The following FER1L5 variants were observed in gnomAD, a reference collection of about 807,000 sequenced individuals.
FER1L5 encodes the protein fer-1 like family member 5.
A neutral mutation model predicts 279.9 loss-of-function variants in FER1L5; 187 were observed. The ratio of observed to expected loss-of-function variants is 0.67; its 90% CI spans 0.59 to 0.75. The LOEUF (loss-of-function observed/expected upper bound fraction) is 0.75, where lower values mean the gene tolerates loss of function less well. Ranked by LOEUF, FER1L5 falls within the 30% of genes least tolerant of loss-of-function variation. The pLI is 0.00. For synonymous variants in FER1L5, 921 were observed against 989.7 expected, an observed-to-expected ratio of 0.93 and a Z score of 1.30; for missense variants, 2,091 against 2,594.4, an observed-to-expected ratio of 0.81 and a Z score of 4.21.
At chr2:96,656,295 G>C (rs2075596410) in intron 9 of FER1L5, among the ~76,000 whole-genome samples, 1 of 152,152 alleles carries the variant, frequency 6.6e-6, no homozygotes, top group African/African-American at 2.4e-5. Context: ...CCTAGTCAAT[G>C]TTCAAATTCC....
rs554633308 is a variant in FER1L5, at chr2:96,691,364, G to A, written c.2907+11G>A. The A allele has an allele frequency of 9.1e-6, 14 of 1,546,602 alleles. No individual in the cohort carries two copies. The highest frequency in any genetic ancestry group is 1.7e-4 in the Middle Eastern group (1 of 5,972). ...TCCTTCCTGCAGCTGGTGAGGGGTC[G>A]ACGGGCGCCCTGGCTGGGACTGCGG... On this transcript the variant is annotated intron_variant, in intron 28 of 52. Transcript: ENST00000624922. The surrounding 1 kb of genome is among the most constrained non-coding windows in gnomAD (Gnocchi z 6.0).
At position 96,691,209 on chromosome 2, in the gene FER1L5, G is replaced by T. The variant is rs2077128507; in HGVS notation, c.2763G>T (p.Gly921=). Residue 921 remains glycine (G), a synonymous_variant, in exon 28 of 53, where the codon GGG becomes GGT. Transcript: ENST00000624922. This position sits in a 1 kb window ranked among gnomAD's most constrained non-coding sequence, Gnocchi z 6.0. ...CCGCAGGCTGGGAGTATGGAGTGGG[G>T]ATCCCACCGTCGGGCCTGCCCCAGG... ...VDSKGWEYGV[G]IPPSGLPQVW... The T allele has an allele frequency of 6.5e-7, 1 of 1,549,486 alleles. No individual in the cohort carries two copies. The highest frequency in any genetic ancestry group is 2.0e-5 in the Admixed American group (1 of 50,868).
intron 21 of FER1L5, among the ~76,000 whole-genome samples, 194 bp from the exon 22 acceptor site, chr2:96,685,746 T>C (rs1359534252): frequency 6.6e-6 from 1 of 152,074 alleles, no homozygotes; most frequent in Non-Finnish European, 1.5e-5. Flanking sequence ...GAGGACTGGA[T>C]GAGAACCCAG....
intron 7 of FER1L5, 54 bp downstream of exon 7, chr2:96,652,074 C>G (rs375906656): frequency 6.5e-7 from 1 of 1,549,266 alleles, no homozygotes; most frequent in Non-Finnish European, 8.7e-7. Flanking sequence ...TGGGCATCCC[C>G]GGTGGGCAGC....
intron 39 of FER1L5, 109 bp downstream of exon 39, chr2:96,697,870 G>A (rs1253318360): frequency 6.8e-6 from 10 of 1,465,924 alleles, no homozygotes; most frequent in Non-Finnish European, 9.3e-6. Flanking sequence ...TTCCCGCACT[G>A]TCTCCCAGAG....
intron 14 of FER1L5, among the ~76,000 whole-genome samples, chr2:96,668,197 G>T (rs1263814017): frequency 6.6e-6 from 1 of 152,060 alleles, no homozygotes; most frequent in African/African-American, 2.4e-5. Context: ...CAAGTTCCAG[G>T]CCCCTCTCAG....
Position 96,702,393 on chromosome 2 carries a change from C to T in FER1L5, c.5247C>T (p.Tyr1749=), listed in dbSNP as rs960174368. ...NLSREKTSDI[Y]IKGWLYGLEK... ...GTAGAGAGAAGACGAGCGACATCTA[C>T]ATCAAAGGGTAGGGAAGAGGAGTCA... Residue 1749 remains tyrosine (Y), a synonymous_variant, in exon 47 of 53, where the codon TAC becomes TAT. Coordinates refer to ENST00000624922, the MANE Select transcript of FER1L5 (RefSeq NM_001293083.2). This position sits in a 1 kb window ranked among gnomAD's most constrained non-coding sequence, Gnocchi z 4.0. The T allele has an allele frequency of 6.2e-7, 1 of 1,611,240 alleles. No homozygotes were observed. The highest frequency in any genetic ancestry group is 8.5e-7 in the Non-Finnish European group (1 of 1,178,772).
intron 16 of FER1L5, 31 bp downstream of exon 16, chr2:96,668,999 C>A (rs1323811367): frequency 1.9e-6 from 3 of 1,551,616 alleles, no homozygotes; most frequent in African/African-American, 2.7e-5. Context: ...ACTTCCTACA[C>A]CCCTCGTCCT....
chr2:96,659,643 CACCACG>C (rs1289820620), intron 9 of FER1L5, among the ~76,000 whole-genome samples: 2 of 150,782 alleles, frequency 1.3e-5, no homozygotes, highest in East Asian at 3.9e-4. Context: ...AGGGGCCCGC[CACCACG>C]CCCGGCTAAT....
intron 17 of FER1L5, 34 bp downstream of exon 17, chr2:96,669,171 G>A (rs1013558113): frequency 6.5e-7 from 1 of 1,535,598 alleles, no homozygotes; most frequent in Admixed American, 2.0e-5. Flanking sequence ...GGGTACAGTG[G>A]AGGTAGAGCT....
intron 31 of FER1L5, among the ~76,000 whole-genome samples, chr2:96,692,761 G>A (rs1370991359): frequency 6.6e-6 from 1 of 152,052 alleles, no homozygotes; most frequent in Admixed American, 6.5e-5. Context: ...ATTGCTGTTT[G>A]TAGGGAGTGG....
At chr2:96,674,952 G>A (rs2076458841) in intron 19 of FER1L5, among the ~76,000 whole-genome samples, 1 of 152,160 alleles carries the variant, frequency 6.6e-6, no homozygotes, top group African/African-American at 2.4e-5. Flanking sequence ...CCATGACCCT[G>A]ACTCTTGTAT....
Position 96,686,103 on chromosome 2 carries a change from A to G in FER1L5, c.2059A>G (p.Thr687Ala), listed in dbSNP as rs7599598. ...GGAGGACTGGCTGTACCGCCTCAAC[A>G]CCGTGCTCCCTGAGGTGGGTGCTGC... ...TAEDWLYRLN[T>A]VLPEPQMGLP... is the part of the protein sequence containing the mutation. The change falls in exon 22 of 53, where the codon ACC (threonine) becomes GCC (alanine). Residue 687 changes from threonine (T) to alanine (A), a missense_variant. Physicochemically the swap from Thr to Ala is moderately conservative, Grantham distance 58 (BLOSUM62 0). Coordinates refer to ENST00000624922, the MANE Select transcript of FER1L5 (RefSeq NM_001293083.2). 0.44 allele frequency: 675,282 copies of G among 1,550,820 alleles called. 155,512 individuals carry two copies. The highest frequency in any genetic ancestry group is 0.82 in the African/African-American group (60,145 of 73,154).
At chr2:96,697,821 G>T in intron 39 of FER1L5, 60 bp downstream of exon 39, 1 of 1,582,038 alleles carries the variant, frequency 6.3e-7, no homozygotes, top group Non-Finnish European at 8.6e-7. Flanking sequence ...GGCCAGCAGA[G>T]CTAGCCTTGA....
intron 20 of FER1L5, among the ~76,000 whole-genome samples, chr2:96,684,962 C>T (rs2076866715): frequency 2.0e-5 from 3 of 151,932 alleles, no homozygotes; most frequent in Admixed American, 2.0e-4. Flanking sequence ...ACCATAGAAG[C>T]TGGAAGGAGT....
chr2:96,659,198 G>A (rs2075721979), intron 9 of FER1L5, among the ~76,000 whole-genome samples: 1 of 152,026 alleles, frequency 6.6e-6, no homozygotes, highest in African/African-American at 2.4e-5. Context: ...CTCCCAAAGT[G>A]CTGGGATTAC....
At position 96,697,658 on chromosome 2, in the gene FER1L5, A is replaced by T. The variant is rs960371218; in HGVS notation, c.4135-2A>T. 2.5e-6 allele frequency: 4 copies of T among 1,613,932 alleles called. No individual in the cohort carries two copies. On this transcript the variant is annotated splice_acceptor_variant, in intron 38 of 52. Coordinates refer to ENST00000624922, the MANE Select transcript of FER1L5 (RefSeq NM_001293083.2). LOFTEE classifies it high-confidence loss of function. ...GGCCAGAATGATCCTCTTCTCTGCC[A>T]GGATGAGTATGAGCATGAGGTGGAC...
rs200234498 is a variant in FER1L5, at chr2:96,655,779, G to A, written c.747+1283G>A. ...GGCTGGATTGCAGTGGTGCAATCCC[G>A]GCTCACTGCAGCCTTGAACTCCTGG... On this transcript the variant is annotated intron_variant, in intron 9 of 52. Transcript: ENST00000624922. Among the ~76,000 whole-genome samples, 3 of 151,976 alleles carry A rather than the reference G, an allele frequency of 2.0e-5. No individual in the cohort carries two copies. In the East Asian group the frequency reaches 5.8e-4, roughly 29 times the overall value.
chr2:96,659,454 TTTC>T, intron 9 of FER1L5, among the ~76,000 whole-genome samples: 1 of 28,796 alleles, frequency 3.5e-5, no homozygotes, highest in Non-Finnish European at 5.6e-5. Flanking sequence ...TCTTTCTTTC[TTTC>T]TTTCTTTCTT....
Sources: gnomAD v4.1 joint callset for allele counts (sites outside exome capture counted in the v4.1 genomes callset) on GRCh38, gnomAD v4.1.1 for gene constraint, Gnocchi (gnomAD v3.1) non-coding constraint, MANE v1.5 for transcripts, NCBI Gene and HGNC (gene_info 2026-07-23, HGNC 2026-07-21) for gene names.